Variants in TMEM117 observed in about 807,000 individuals in gnomAD.
The protein encoded by TMEM117 is transmembrane protein 117.
Under a neutral mutation model 52.4 loss-of-function variants are expected in TMEM117, and 27 were observed. The ratio of observed to expected loss-of-function variants is 0.51; its 90% CI spans 0.38 to 0.71. The LOEUF (loss-of-function observed/expected upper bound fraction) is 0.71, where lower values mean the gene tolerates loss of function less well. TMEM117 is among the 30% of genes least tolerant of loss of function. The probability of loss-of-function intolerance (pLI) is 0.00; values close to 1 mark genes in which losing one functional copy is unlikely to be tolerated. For missense variants in TMEM117, 556 were observed against 630.5 expected (o/e 0.88, Z 1.26); for synonymous variants, 215 against 206.3 (o/e 1.04, Z -0.36).
intron 6 of TMEM117, among the ~76,000 whole-genome samples, chr12:44,340,329 C>T (rs1259188311): frequency 6.6e-6 from 1 of 152,072 alleles, no homozygotes; most frequent in Non-Finnish European, 1.5e-5. Flanking sequence ...AAGAAAGGCT[C>T]AACCTCATTT....
intron 5 of TMEM117, among the ~76,000 whole-genome samples, chr12:44,215,088 A>G (rs950989938): frequency 1.3e-5 from 2 of 152,208 alleles, no homozygotes; most frequent in African/African-American, 4.8e-5. Context: ...AGTTAAGGAA[A>G]GAGCGATTAG....
At position 44,015,623 on chromosome 12, in the gene TMEM117, G is replaced by A. The variant is rs74087911; in HGVS notation, c.410+71281G>A. 3.9e-3 allele frequency among the ~76,000 whole-genome samples: 600 copies of A among 152,240 alleles called. 3 individuals are homozygous for A. The highest frequency in any genetic ancestry group is 0.014 in the African/African-American group (561 of 41,552). ...GTTGTACAGGAAGTCCTCAATTACCGACATGTACTGGTCCAAAAATGTGCT... is the reference window on the plus strand; with the variant it reads ...GTTGTACAGGAAGTCCTCAATTACCAACATGTACTGGTCCAAAAATGTGCT... On this transcript the variant is annotated intron_variant, in intron 3 of 7. Transcript: ENST00000266534.
At chr12:44,088,871 G>T (rs1204051372) in intron 3 of TMEM117, among the ~76,000 whole-genome samples, 1 of 152,158 alleles carries the variant, frequency 6.6e-6, no homozygotes, top group East Asian at 1.9e-4. Context: ...GACTAAAATG[G>T]CCAACAGCCA....
intron 5 of TMEM117, among the ~76,000 whole-genome samples, chr12:44,297,451 G>T (rs926566424): frequency 1.3e-5 from 2 of 152,166 alleles, no homozygotes; most frequent in African/African-American, 4.8e-5. Flanking sequence ...ACCAGGCAGT[G>T]CTGGATAACA....
At chr12:44,394,256 C>T (rs1361424853), downstream of TMEM117, among the ~76,000 whole-genome samples, 1 of 152,130 alleles carries the variant, frequency 6.6e-6, no homozygotes, top group Non-Finnish European at 1.5e-5. Context: ...CACAGGGTTT[C>T]GAAGAGGACC....
chr12:44,100,356 G>A (rs1947841265), intron 3 of TMEM117, among the ~76,000 whole-genome samples: 1 of 151,932 alleles, frequency 6.6e-6, no homozygotes, highest in Non-Finnish European at 1.5e-5. Flanking sequence ...GGCAGTACTA[G>A]CAGAGAGTTT....
intron 5 of TMEM117, among the ~76,000 whole-genome samples, chr12:44,259,642 C>A (rs987107224): frequency 6.6e-6 from 1 of 152,094 alleles, no homozygotes; most frequent in African/African-American, 2.4e-5. Flanking sequence ...TAAGTGATGG[C>A]ATTCACTGAA....
At chr12:44,059,204 A>G (rs1428821076) in intron 3 of TMEM117, among the ~76,000 whole-genome samples, 5 of 152,206 alleles carry the variant, frequency 3.3e-5, no homozygotes, top group Non-Finnish European at 7.3e-5. Context: ...AGGCAGCAGT[A>G]TCGGTCTGCA....
At chr12:44,292,830 T>C (rs929087287) in intron 5 of TMEM117, among the ~76,000 whole-genome samples, 9 of 152,042 alleles carry the variant, frequency 5.9e-5, no homozygotes, top group Non-Finnish European at 1.2e-4. Context: ...GATAAAGTGC[T>C]GTTTTGTGGC....
intron 3 of TMEM117, among the ~76,000 whole-genome samples, chr12:44,041,597 A>G (rs1946799572): frequency 2.0e-5 from 3 of 152,146 alleles, no homozygotes; most frequent in Non-Finnish European, 4.4e-5. Context: ...CATAGTACCC[A>G]ATAGACTTCC....
intron 3 of TMEM117, among the ~76,000 whole-genome samples, chr12:44,005,962 A>G (rs545093112): frequency 2.0e-4 from 30 of 152,246 alleles, no homozygotes; most frequent in Admixed American, 5.9e-4. Context: ...GGCATCCCCA[A>G]TTACGTGCAA....
chr12:43,891,898 G>A (rs1040793609), intron 2 of TMEM117, among the ~76,000 whole-genome samples: 8 of 151,930 alleles, frequency 5.3e-5, no homozygotes, highest in East Asian at 3.9e-4. Flanking sequence ...AAACTGTCCC[G>A]TGGAAAATAT....
intron 3 of TMEM117, among the ~76,000 whole-genome samples, chr12:44,005,073 C>G (rs1268471546): frequency 6.6e-6 from 1 of 152,128 alleles, no homozygotes; most frequent in African/African-American, 2.4e-5. Flanking sequence ...CTACTGTGGC[C>G]AGTCATTGTC....
chr12:43,928,807 A>G (rs1161645400), intron 2 of TMEM117, among the ~76,000 whole-genome samples: 1 of 142,510 alleles, frequency 7.0e-6, no homozygotes, highest in Non-Finnish European at 1.5e-5. Context: ...ATGTGTTCTC[A>G]TTGTTCAATT....
chr12:44,363,062 C>T (rs1951743728), intron 6 of TMEM117, among the ~76,000 whole-genome samples: 1 of 152,014 alleles, frequency 6.6e-6, no homozygotes, highest in Non-Finnish European at 1.5e-5. Flanking sequence ...TAGACCAAGA[C>T]AGTAATGTAA....
rs138885123 is a variant in TMEM117, at chr12:43,901,696, G to A, written c.278-42514G>A. On this transcript the variant is annotated intron_variant, in intron 2 of 7. Coordinates refer to ENST00000266534, the MANE Select transcript of TMEM117 (RefSeq NM_032256.3). ...CTGCTAGTGTACACAATAGAGCAGA[G>A]CATCACAGCGCTACTAACCAACTTT... Among the ~76,000 whole-genome samples the A allele has an allele frequency of 1.9e-3, 294 of 152,306 alleles. 1 individual carries two copies. The highest frequency in any genetic ancestry group is 6.8e-3 in the African/African-American group (282 of 41,572).
chr12:44,078,896 T>C (rs1592497780), intron 3 of TMEM117, among the ~76,000 whole-genome samples: 1 of 121,996 alleles, frequency 8.2e-6, no homozygotes, highest in Non-Finnish European at 1.6e-5. Context: ...CAGTATGTGA[T>C]GTTACCCTCC....
chr12:44,165,071 CT>C (rs1452145460), intron 4 of TMEM117, among the ~76,000 whole-genome samples: 4 of 152,136 alleles, frequency 2.6e-5, no homozygotes, highest in Non-Finnish European at 5.9e-5. Flanking sequence ...CACTACCCCC[CT>C]GCCACCGCCT....
At chr12:44,239,024 C>A (rs949897114) in intron 5 of TMEM117, among the ~76,000 whole-genome samples, 6 of 152,236 alleles carry the variant, frequency 3.9e-5, no homozygotes, top group African/African-American at 1.4e-4. Flanking sequence ...TCAGAAATAT[C>A]TGCATTAATA....
Sources: allele counts gnomAD v4.1 joint callset (sites outside exome capture counted in the v4.1 genomes callset), GRCh38; gene constraint gnomAD v4.1.1; transcripts MANE v1.5; gene names NCBI Gene and HGNC (gene_info 2026-07-23, HGNC 2026-07-21).